Variants in MAF observed in about 807,000 individuals in gnomAD.
MAF encodes the protein transcription factor Maf.
In MAF, 10 loss-of-function variants were observed where a neutral mutation model predicts 22.0. That is an observed-to-expected ratio of 0.45 (90% CI 0.28 to 0.77). The LOEUF (loss-of-function observed/expected upper bound fraction) is 0.77. Among genes scored for constraint, MAF ranks in the 30% least tolerant of loss-of-function variants. The pLI, the probability that MAF is intolerant of heterozygous loss-of-function variation, is 0.12. For missense variants in MAF, 544 were observed against 548.4 expected (o/e 0.99, Z 0.08); for synonymous variants, 337 against 255.8 (o/e 1.32, Z -3.03).
At chr16:79,205,239 G>C in the MAF span, 1 of 152,174 alleles carries the variant, frequency 6.6e-6, no homozygotes, top group East Asian at 1.9e-4. Flanking sequence ...TGCATTTATG[G>C]TGATGGACTG....
the MAF span, among the ~76,000 whole-genome samples, chr16:79,535,852 T>C: frequency 6.6e-6 from 1 of 152,172 alleles, no homozygotes; most frequent in Non-Finnish European, 1.5e-5. Flanking sequence ...ATTACAGGCA[T>C]GAGCCACCAC....
At chr16:79,405,110 A>C in the MAF span, among the ~76,000 whole-genome samples, 1 of 152,172 alleles carries the variant, frequency 6.6e-6, no homozygotes, top group African/African-American at 2.4e-5. Context: ...GAATACTCCC[A>C]TATGCAGCAG....
chr16:79,427,621 G>A, the MAF span, among the ~76,000 whole-genome samples: 2 of 152,000 alleles, frequency 1.3e-5, no homozygotes, highest in African/African-American at 4.8e-5. Context: ...TTACCCCGAA[G>A]GCCCTCTCAA....
At chr16:79,508,964 T>G in the MAF span, among the ~76,000 whole-genome samples, 1 of 152,208 alleles carries the variant, frequency 6.6e-6, no homozygotes, top group African/African-American at 2.4e-5. Context: ...GCACTGAAAG[T>G]GCTAAAGGCC....
At chr16:79,366,175 G>A in the MAF span, among the ~76,000 whole-genome samples, 1 of 152,124 alleles carries the variant, frequency 6.6e-6, no homozygotes, top group South Asian at 2.1e-4. Context: ...CCAAGCCTGG[G>A]AATAGTATCA....
At chr16:79,455,916 A>T in the MAF span, among the ~76,000 whole-genome samples, 4 of 151,990 alleles carry the variant, frequency 2.6e-5, no homozygotes, top group African/African-American at 9.7e-5. Flanking sequence ...TATTTGGGAG[A>T]CTGAGACGGG....
At chr16:79,278,161 C>A in the MAF span, among the ~76,000 whole-genome samples, 4 of 152,188 alleles carry the variant, frequency 2.6e-5, no homozygotes, top group African/African-American at 9.7e-5. Flanking sequence ...CAGGTACCTG[C>A]CCCCTGCAAG....
the MAF span, among the ~76,000 whole-genome samples, chr16:79,300,554 A>AAAACAAACAAACAAAC: frequency 6.6e-6 from 1 of 151,128 alleles, no homozygotes; most frequent in African/African-American, 2.4e-5. Context: ...ACTCCATCTC[A>AAAACAAACAAACAAAC]AAACAAACAA....
the MAF span, among the ~76,000 whole-genome samples, chr16:79,579,381 T>C: frequency 3.8e-4 from 58 of 152,300 alleles, no homozygotes; most frequent in Non-Finnish European, 5.0e-4. Context: ...CACATATATA[T>C]TTATATACAC....
At chr16:79,579,834 A>C in the MAF span, among the ~76,000 whole-genome samples, 1 of 152,164 alleles carries the variant, frequency 6.6e-6, no homozygotes, top group Non-Finnish European at 1.5e-5. Context: ...GTGGAAGGAA[A>C]TGATGCTGAA....
the MAF span, among the ~76,000 whole-genome samples, chr16:79,272,189 C>T: frequency 3.3e-5 from 5 of 152,210 alleles, no homozygotes; most frequent in African/African-American, 9.6e-5. Flanking sequence ...GTCTCTGGTT[C>T]CTCTGAACGC....
chr16:79,489,627 G>C, the MAF span, among the ~76,000 whole-genome samples: 6 of 152,364 alleles, frequency 3.9e-5, no homozygotes, highest in East Asian at 1.2e-3. Flanking sequence ...AAGTGGTGGA[G>C]AGGAGATCCA....
chr16:79,271,900 G>T, the MAF span, among the ~76,000 whole-genome samples: 1 of 152,220 alleles, frequency 6.6e-6, no homozygotes, highest in African/African-American at 2.4e-5. Context: ...GAATCTCCCT[G>T]ACCCCTCTGC....
chr16:79,599,401 TCACGGCGGACAC>T lies in MAF; in HGVS notation c.490_501del (p.Val164_Val167del). On this transcript the variant is annotated inframe_deletion, in exon 1 of 2. Transcript: ENST00000326043. ...CCGCTCTGCGCGGCGGCCGCGGCGATCACGGCGGACACCACGGCGGCGGCGGGGCCCATCTCC... is the reference window on the plus strand; with the variant it reads ...CCGCTCTGCGCGGCGGCCGCGGCGATCACGGCGGCGGCGGGGCCCATCTCC... 1.8e-6 allele frequency: 2 copies of T among 1,105,404 alleles called. No individual in the cohort carries two copies. Among genetic ancestry groups the T allele is most frequent in the Non-Finnish European group, 2.2e-6 (2 of 908,746 alleles). 68.5% of individuals were successfully genotyped at this position (1,105,404 alleles called of 1,614,324 possible).
chr16:79,502,734 T>TAC, the MAF span, among the ~76,000 whole-genome samples: 1 of 107,452 alleles, frequency 9.3e-6, no homozygotes, highest in Non-Finnish European at 1.8e-5. Context: ...TATATATATA[T>TAC]ATATATATAT....
At chr16:79,519,607 C>T in the MAF span, among the ~76,000 whole-genome samples, 8 of 152,334 alleles carry the variant, frequency 5.3e-5, 1 homozygote, top group South Asian at 1.2e-3. Context: ...CATCCACTGG[C>T]CCTTGGAGAC....
At chr16:79,341,648 C>T in the MAF span, among the ~76,000 whole-genome samples, 9 of 152,338 alleles carry the variant, frequency 5.9e-5, no homozygotes, top group East Asian at 1.5e-3. Context: ...CTATTGAAGA[C>T]TTTTGAGTAG....
the MAF span, among the ~76,000 whole-genome samples, chr16:79,250,493 C>T: frequency 6.6e-6 from 1 of 152,210 alleles, no homozygotes; most frequent in Non-Finnish European, 1.5e-5. Context: ...TCTATGGTTG[C>T]TCTTGCTCTA....
the MAF span, among the ~76,000 whole-genome samples, chr16:79,232,393 G>A: frequency 3.9e-5 from 6 of 152,048 alleles, no homozygotes; most frequent in African/African-American, 9.6e-5. Flanking sequence ...TTATTGATAC[G>A]ACTTTTGGTA....
Sources: gnomAD v4.1 joint callset for allele counts (sites outside exome capture counted in the v4.1 genomes callset) on GRCh38, gnomAD v4.1.1 for gene constraint, MANE v1.5 for transcripts, NCBI Gene and HGNC (gene_info 2026-07-23, HGNC 2026-07-21) for gene names.